The following RAD51B variants were observed in gnomAD, a reference collection of about 807,000 sequenced individuals.
RAD51B encodes DNA repair protein RAD51 homolog 2.
RAD51B carries 38 observed loss-of-function variants against 42.2 expected under a neutral mutation model. That is an observed-to-expected ratio of 0.90 (90% CI 0.70 to 1.18). RAD51B has a LOEUF of 1.18. Ranked by LOEUF, RAD51B falls within the 50% of genes most tolerant of loss-of-function variation. RAD51B has a pLI of 0.00. For synonymous variants in RAD51B, 154 were observed against 145.2 expected (o/e 1.06, Z -0.43); for missense variants, 373 against 400.7 (o/e 0.93, Z 0.59).
intron 10 of RAD51B, among the ~76,000 whole-genome samples, chr14:68,496,004 T>C (rs941373390): frequency 1.3e-5 from 2 of 152,210 alleles, no homozygotes; most frequent in Admixed American, 6.5e-5. Context: ...GAAATGTTAC[T>C]GATGCAATTA....
At chr14:68,559,452 C>T (rs1889032306) in intron 10 of RAD51B, among the ~76,000 whole-genome samples, 1 of 150,338 alleles carries the variant, frequency 6.7e-6, no homozygotes, top group African/African-American at 2.5e-5. Flanking sequence ...GTGATCTTGG[C>T]TCACTGCAAC....
At chr14:68,422,610 G>T (rs2084735858) in intron 9 of RAD51B, among the ~76,000 whole-genome samples, 1 of 150,676 alleles carries the variant, frequency 6.6e-6, no homozygotes, top group East Asian at 1.9e-4. Flanking sequence ...GCAGACAAAA[G>T]GTTTACATTG....
chr14:67,877,681 A>G (rs2042770373), intron 5 of RAD51B, among the ~76,000 whole-genome samples: 1 of 152,184 alleles, frequency 6.6e-6, no homozygotes, highest in South Asian at 2.1e-4. Context: ...ATTTAAAAAA[A>G]TTTATTAGAG....
At chr14:68,172,469 C>T (rs185364568) in intron 7 of RAD51B, among the ~76,000 whole-genome samples, 48 of 152,308 alleles carry the variant, frequency 3.2e-4, no homozygotes, top group Admixed American at 9.2e-4. Context: ...TCCTAAGTCA[C>T]ATAACCGTTT....
chr14:68,306,573 C>T (rs1034305720), intron 8 of RAD51B: 7 of 462,572 alleles, frequency 1.5e-5, no homozygotes, highest in Non-Finnish European at 3.1e-5. Context: ...CCCAGTATAT[C>T]TTTTGACCAA....
intron 7 of RAD51B, among the ~76,000 whole-genome samples, chr14:67,971,500 G>A (rs544077982): frequency 6.6e-6 from 1 of 152,092 alleles, no homozygotes; most frequent in South Asian, 2.1e-4. Context: ...CTCTGCAAAG[G>A]TAAACTGAAT....
chr14:68,353,710 C>T (rs1196346442), intron 8 of RAD51B, among the ~76,000 whole-genome samples: 1 of 152,134 alleles, frequency 6.6e-6, no homozygotes, highest in Non-Finnish European at 1.5e-5. Context: ...GGGGTTGGGG[C>T]CTGAGCCATT....
At chr14:68,423,467 T>C (rs2084759520) in intron 9 of RAD51B, among the ~76,000 whole-genome samples, 1 of 152,216 alleles carries the variant, frequency 6.6e-6, no homozygotes, top group Non-Finnish European at 1.5e-5. Flanking sequence ...TGGGTATTAC[T>C]AGATATACTT....
chr14:68,562,455 GGGGGATTTTGTGCT>G (rs1889204056), intron 10 of RAD51B: 1 of 982,886 alleles, frequency 1.0e-6, no homozygotes, highest in Non-Finnish European at 1.2e-6. Flanking sequence ...TGTCAGCTGT[GGGGGATTTTGTGCT>G]GGTCTCAGCC....
chr14:68,530,120 C>G (rs1185810857), intron 10 of RAD51B, among the ~76,000 whole-genome samples: 7 of 151,626 alleles, frequency 4.6e-5, no homozygotes, highest in Admixed American at 4.0e-4. Context: ...AGATAGTAAA[C>G]CTATCTACCT....
At chr14:67,870,264 A>G (rs1475853485) in intron 5 of RAD51B, among the ~76,000 whole-genome samples, 1 of 152,146 alleles carries the variant, frequency 6.6e-6, no homozygotes, top group Non-Finnish European at 1.5e-5. Context: ...ATGGAAAACA[A>G]AAAAAGGCAG....
At chr14:68,653,705 A>G (rs531053279) in intron 11 of RAD51B, among the ~76,000 whole-genome samples, 21 of 152,260 alleles carry the variant, frequency 1.4e-4, no homozygotes, top group Non-Finnish European at 2.8e-4. Context: ...ATAGATAGAT[A>G]TGCAAATGAT....
At chr14:67,965,047 G>C (rs574133467) in intron 7 of RAD51B, among the ~76,000 whole-genome samples, 1 of 152,282 alleles carries the variant, frequency 6.6e-6, no homozygotes, top group East Asian at 1.9e-4. Context: ...ATTGCAGCAG[G>C]TGCAGCACAG....
intron 11 of RAD51B, among the ~76,000 whole-genome samples, chr14:68,672,687 CA>C (rs1566969190): frequency 6.6e-6 from 1 of 152,062 alleles, no homozygotes; most frequent in Non-Finnish European, 1.5e-5. Context: ...AAGCACTAGC[CA>C]AAGAACAAAT....
At chr14:67,990,604 T>C (rs899059955) in intron 7 of RAD51B, among the ~76,000 whole-genome samples, 1 of 152,210 alleles carries the variant, frequency 6.6e-6, no homozygotes, top group Non-Finnish European at 1.5e-5. Context: ...GTATGTTTTA[T>C]CTGTAAGTAC....
intron 7 of RAD51B, among the ~76,000 whole-genome samples, chr14:67,907,497 T>G (rs1020838929): frequency 6.6e-6 from 1 of 152,150 alleles, no homozygotes; most frequent in African/African-American, 2.4e-5. Context: ...AGGCCTCAGC[T>G]AGAAGACTCA....
rs1889615077 is a variant in RAD51B at position 68,570,021 on chromosome 14, G to T, written c.1037-24464G>T. 3.3e-5 allele frequency among the ~76,000 whole-genome samples: 5 copies of T among 152,230 alleles called. No homozygotes were observed. In the South Asian group the frequency reaches 8.3e-4, roughly 25 times the overall value. ...TTGTCTTGCCCTCTGAGAACACTTG[G>T]CAATAACATTCCTTTCCTGACAGGC... On this transcript the variant is annotated intron_variant, in intron 10 of 10. Transcript: ENST00000487270.
At chr14:68,450,524 T>G (rs2140184910) in intron 9 of RAD51B, among the ~76,000 whole-genome samples, 1 of 152,232 alleles carries the variant, frequency 6.6e-6, no homozygotes, top group East Asian at 1.9e-4. Flanking sequence ...TGGCCAGGAC[T>G]TTTTAAAAGA....
intron 8 of RAD51B, among the ~76,000 whole-genome samples, chr14:68,371,500 C>T (rs531271467): frequency 6.6e-6 from 1 of 150,956 alleles, no homozygotes; most frequent in Admixed American, 6.6e-5. Flanking sequence ...CCTGGCGACA[C>T]AATGAGACTC....
Sources: allele counts gnomAD v4.1 joint callset (sites outside exome capture counted in the v4.1 genomes callset), GRCh38; gene constraint gnomAD v4.1.1; transcripts MANE v1.5; gene names NCBI Gene and HGNC (gene_info 2026-07-23, HGNC 2026-07-21).